The following ROR1 variants were observed in gnomAD, a reference collection of about 807,000 sequenced individuals.
ROR1 encodes inactive tyrosine-protein kinase transmembrane receptor ROR1.
In ROR1, 19 loss-of-function variants were observed where a neutral mutation model predicts 78.8. The observed-to-expected ratio is 0.24, with a 90% CI of 0.17 to 0.35. The LOEUF (loss-of-function observed/expected upper bound fraction) is 0.35. ROR1 is among the 10% of genes least tolerant of loss of function. ROR1 has a pLI of 1.00. For synonymous variants in ROR1, 386 were observed against 433.6 expected (o/e 0.89, Z 1.36); for missense variants, 917 against 1,177.8 (o/e 0.78, Z 3.24).
chr1:63,847,482 CA>C (rs927844059), intron 1 of ROR1, among the ~76,000 whole-genome samples: 2 of 151,992 alleles, frequency 1.3e-5, no homozygotes, highest in African/African-American at 4.8e-5. Flanking sequence ...ATTCATCTCC[CA>C]GAGACTCCTG....
intron 1 of ROR1, among the ~76,000 whole-genome samples, chr1:63,921,127 G>A (rs539178709): frequency 1.3e-5 from 2 of 152,240 alleles, no homozygotes; most frequent in Admixed American, 6.5e-5. Flanking sequence ...AAGGACAATC[G>A]AAGTAACTCG....
intron 1 of ROR1, among the ~76,000 whole-genome samples, chr1:63,937,920 A>G (rs545969388): frequency 1.3e-5 from 2 of 152,308 alleles, no homozygotes; most frequent in South Asian, 4.1e-4. Flanking sequence ...TCACACATTC[A>G]GAAGGTTCAC....
chr1:64,169,083 G>A (rs1650167190), intron 8 of ROR1, among the ~76,000 whole-genome samples: 1 of 152,198 alleles, frequency 6.6e-6, no homozygotes, highest in Admixed American at 6.5e-5. Flanking sequence ...TGAGATTCAG[G>A]AAGCAAGTCA....
chr1:64,090,112 C>G (rs897061220), intron 4 of ROR1, among the ~76,000 whole-genome samples: 1 of 152,060 alleles, frequency 6.6e-6, no homozygotes, highest in Non-Finnish European at 1.5e-5. Context: ...ATAAATTACC[C>G]AGTCTTGGGT....
At chr1:63,870,504 T>C (rs1252737398) in intron 1 of ROR1, among the ~76,000 whole-genome samples, 1 of 152,188 alleles carries the variant, frequency 6.6e-6, no homozygotes, top group African/African-American at 2.4e-5. Flanking sequence ...GAAGGAAATA[T>C]TTGAAAGACT....
intron 1 of ROR1, among the ~76,000 whole-genome samples, chr1:63,945,110 C>T (rs1645873716): frequency 6.6e-6 from 1 of 151,964 alleles, no homozygotes; most frequent in African/African-American, 2.4e-5. Context: ...TATTGGAAGG[C>T]CTGAGAATGC....
intron 1 of ROR1, among the ~76,000 whole-genome samples, chr1:63,856,051 T>C (rs1037446072): frequency 2.6e-5 from 4 of 152,136 alleles, no homozygotes; most frequent in Admixed American, 1.3e-4. Flanking sequence ...TGTCTGCTAA[T>C]TCTAACATCT....
At chr1:64,100,071 T>G (rs772061458) in intron 4 of ROR1, among the ~76,000 whole-genome samples, 17 of 151,962 alleles carry the variant, frequency 1.1e-4, no homozygotes, top group Non-Finnish European at 2.2e-4. Flanking sequence ...TTGAGTTTAT[T>G]TTTCAGCTAA....
intron 1 of ROR1, among the ~76,000 whole-genome samples, chr1:63,984,647 G>C: frequency 6.6e-6 from 1 of 152,130 alleles, no homozygotes; most frequent in East Asian, 1.9e-4. Flanking sequence ...TTAAGGGCTC[G>C]TGCAGCCTTT....
chr1:64,134,080 T>A (rs552153508), intron 4 of ROR1, among the ~76,000 whole-genome samples: 2 of 152,264 alleles, frequency 1.3e-5, no homozygotes, highest in East Asian at 3.9e-4. Context: ...AGTTATAGAG[T>A]GTGGTTAGAA....
At chr1:63,932,542 A>G (rs1446528576) in intron 1 of ROR1, among the ~76,000 whole-genome samples, 2 of 152,156 alleles carry the variant, frequency 1.3e-5, no homozygotes, top group African/African-American at 2.4e-5. Flanking sequence ...TAGCATTTCT[A>G]CTGCCCCCAA....
At chr1:63,815,814 G>A (rs1644888856) in intron 1 of ROR1, among the ~76,000 whole-genome samples, 1 of 152,048 alleles carries the variant, frequency 6.6e-6, no homozygotes, top group African/African-American at 2.4e-5. Context: ...CACATACCCA[G>A]GTCCTGCCCA....
At chr1:64,076,530 G>T (rs1647051576) in intron 4 of ROR1, among the ~76,000 whole-genome samples, 1 of 152,102 alleles carries the variant, frequency 6.6e-6, no homozygotes, top group Non-Finnish European at 1.5e-5. Flanking sequence ...ATGCCACCAA[G>T]AACAAAATTG....
intron 1 of ROR1, among the ~76,000 whole-genome samples, chr1:63,799,075 G>A (rs143670054): frequency 9.9e-5 from 15 of 151,918 alleles, no homozygotes; most frequent in Non-Finnish European, 1.5e-4. Context: ...TTTGCTTAAT[G>A]TTTCTGAGTC....
chr1:63,914,589 C>T (rs139422905), intron 1 of ROR1, among the ~76,000 whole-genome samples: 62 of 152,304 alleles, frequency 4.1e-4, no homozygotes, highest in African/African-American at 1.4e-3. Flanking sequence ...TCGGATGACT[C>T]TTGGGCAGTC....
intron 4 of ROR1, among the ~76,000 whole-genome samples, chr1:64,060,070 G>A (rs1355671411): frequency 6.6e-6 from 1 of 152,004 alleles, no homozygotes; most frequent in Middle Eastern, 3.2e-3. Flanking sequence ...ATGGGACTTG[G>A]TGTATAATTA....
At chr1:63,821,001 T>C (rs1319885278) in intron 1 of ROR1, among the ~76,000 whole-genome samples, 1 of 152,158 alleles carries the variant, frequency 6.6e-6, no homozygotes, top group Non-Finnish European at 1.5e-5. Flanking sequence ...GCTGTGCTTG[T>C]TAATGCTCTA....
At chr1:64,125,039 T>C (rs1569813373) in intron 4 of ROR1, among the ~76,000 whole-genome samples, 3 of 152,192 alleles carry the variant, frequency 2.0e-5, no homozygotes. Flanking sequence ...CTAGGAGTCA[T>C]TCTAATGGGG....
chr1:64,074,231 G>A (rs61765385), intron 4 of ROR1, among the ~76,000 whole-genome samples: 22,373 of 152,080 alleles, frequency 0.15, 1,777 homozygotes, highest in Middle Eastern at 0.2. Flanking sequence ...GTATCCAACC[G>A]TGCCCCAAAG....
Sources: allele counts gnomAD v4.1 joint callset (sites outside exome capture counted in the v4.1 genomes callset), GRCh38; gene constraint gnomAD v4.1.1; transcripts MANE v1.5; gene names NCBI Gene and HGNC (gene_info 2026-07-23, HGNC 2026-07-21).